The following FAT3 variants were observed in gnomAD, a reference collection of about 807,000 sequenced individuals.
The protein encoded by FAT3 is FAT atypical cadherin 3.
In FAT3, 95 loss-of-function variants were observed where a neutral mutation model predicts 310.2. The ratio of observed to expected loss-of-function variants is 0.31; its 90% CI spans 0.26 to 0.36. FAT3 has a LOEUF of 0.36. Ranked by LOEUF, FAT3 falls within the 10% of genes least tolerant of loss-of-function variation. The probability of loss-of-function intolerance (pLI) is 1.00; values close to 1 mark genes in which losing one functional copy is unlikely to be tolerated. For synonymous variants in FAT3, 2,314 were observed against 2,192.9 expected, an observed-to-expected ratio of 1.06 and a Z score of -1.54; for missense variants, 5,408 against 5,715.6, an observed-to-expected ratio of 0.95 and a Z score of 1.74.
chr11:92,449,800 C>T (rs1865839927), intron 2 of FAT3, among the ~76,000 whole-genome samples: 2 of 152,148 alleles, frequency 1.3e-5, no homozygotes, highest in South Asian at 4.1e-4. Context: ...ATTCAGCCTC[C>T]AGAATTCAAA....
At chr11:92,226,769 G>A (rs1402918148) in intron 1 of FAT3, among the ~76,000 whole-genome samples, 2 of 152,128 alleles carry the variant, frequency 1.3e-5, no homozygotes, top group African/African-American at 4.8e-5. Flanking sequence ...GGGAGCTCCA[G>A]CTCCATCCCG....
rs189698606 is a variant in FAT3 at position 92,884,984 on chromosome 11, A to T, written c.12937+1591A>T. Among the ~76,000 whole-genome samples the T allele has an allele frequency of 4.5e-3, 687 of 152,296 alleles. 3 individuals carry two copies. Among genetic ancestry groups the T allele is most frequent in the Non-Finnish European group, 5.8e-3 (396 of 68,022 alleles). ...AGGAGACAAACACTTGCCAACAAAGAAAGAGGAGGGAAAAGGAGAGGACCC... is the reference window on the plus strand; with the variant it reads ...AGGAGACAAACACTTGCCAACAAAGTAAGAGGAGGGAAAAGGAGAGGACCC... On this transcript the variant is annotated intron_variant, in intron 24 of 27. Coordinates refer to ENST00000525166, the MANE Select transcript of FAT3 (RefSeq NM_001367949.2).
chr11:92,790,263 G>C, intron 8 of FAT3, 45 bp downstream of exon 8: 1 of 1,594,748 alleles, frequency 6.3e-7, no homozygotes, highest in Non-Finnish European at 8.6e-7. Flanking sequence ...ACCACTGACT[G>C]TTCAGGCCAC....
intron 1 of FAT3, among the ~76,000 whole-genome samples, chr11:92,323,815 G>A (rs1231529348): frequency 6.6e-6 from 1 of 152,140 alleles, no homozygotes; most frequent in Non-Finnish European, 1.5e-5. Flanking sequence ...GAGTTAGCTT[G>A]TCTTTTGAAG....
intron 19 of FAT3, among the ~76,000 whole-genome samples, chr11:92,850,435 T>C (rs1465097956): frequency 6.6e-6 from 1 of 152,182 alleles, no homozygotes; most frequent in Non-Finnish European, 1.5e-5. Flanking sequence ...ACTTGGCCTT[T>C]AGTGAAATCA....
At chr11:92,806,274 T>C in intron 11 of FAT3, 88 bp from the exon 12 acceptor site, 1 of 1,196,858 alleles carries the variant, frequency 8.4e-7, no homozygotes, top group Non-Finnish European at 1.2e-6. Flanking sequence ...TATAAATGAA[T>C]TTTTAAAGAA....
chr11:92,889,999 C>A, intron 27 of FAT3, 108 bp downstream of exon 27: 1 of 716,262 alleles, frequency 1.4e-6, no homozygotes, highest in South Asian at 1.5e-5. Flanking sequence ...TTTTGCATGT[C>A]TCAGGTGTCT....
chr11:92,485,528 G>GA (rs1356298068), intron 2 of FAT3, among the ~76,000 whole-genome samples: 3 of 22,412 alleles, frequency 1.3e-4, no homozygotes, highest in Non-Finnish European at 2.0e-4. Context: ...ATCTTAATGA[G>GA]GTACCAAATC....
intron 2 of FAT3, among the ~76,000 whole-genome samples, chr11:92,460,096 C>G (rs1317090052): frequency 1.3e-5 from 2 of 152,118 alleles, no homozygotes; most frequent in African/African-American, 2.4e-5. Context: ...TCCAATGATG[C>G]CTGCCTTGGA....
chr11:92,442,098 TATA>T (rs1202246041), intron 2 of FAT3, among the ~76,000 whole-genome samples: 162 of 51,746 alleles, frequency 3.1e-3, no homozygotes, highest in South Asian at 7.3e-3. Context: ...TATATATATA[TATA>T]TATATATATA....
At chr11:92,803,387 A>G (rs3912649) in intron 10 of FAT3, among the ~76,000 whole-genome samples, 131,357 of 152,262 alleles carry the variant, frequency 0.86, 56,737 homozygotes, top group East Asian at 0.94. Context: ...TGCTGCCTCC[A>G]ATTAACAAAG....
At chr11:92,565,650 C>A (rs540521311) in intron 3 of FAT3, among the ~76,000 whole-genome samples, 1 of 150,454 alleles carries the variant, frequency 6.6e-6, no homozygotes, top group South Asian at 2.1e-4. Flanking sequence ...AAAATACTGG[C>A]AAACCGAATC....
At chr11:92,747,249 C>A (rs1302457933) in intron 4 of FAT3, among the ~76,000 whole-genome samples, 1 of 152,246 alleles carries the variant, frequency 6.6e-6, no homozygotes, top group Non-Finnish European at 1.5e-5. Flanking sequence ...AACCTCAGTT[C>A]TTGACTTCTG....
chr11:92,758,440 T>G (rs1020828548), intron 4 of FAT3, among the ~76,000 whole-genome samples: 1 of 152,178 alleles, frequency 6.6e-6, no homozygotes, highest in African/African-American at 2.4e-5. Flanking sequence ...GGGCATTCCA[T>G]GAAGACAAAT....
At position 92,630,362 on chromosome 11, in the gene FAT3, C is replaced by T. The variant is rs142222441; in HGVS notation, c.3608-67022C>T. ...TAATTTTATTTCCCTACAGACCAAG[C>T]AATTTCATCCATTCCTGTAGCTTAA... On this transcript the variant is annotated intron_variant, in intron 3 of 27. Coordinates refer to ENST00000525166, the MANE Select transcript of FAT3 (RefSeq NM_001367949.2). Among the ~76,000 whole-genome samples, 1,130 of 152,298 alleles carry T rather than the reference C, an allele frequency of 7.4e-3. 10 individuals carry two copies. The highest frequency in any genetic ancestry group is 0.025 in the African/African-American group (1,059 of 41,564).
intron 1 of FAT3, among the ~76,000 whole-genome samples, chr11:92,344,368 A>T (rs1449455199): frequency 6.6e-6 from 1 of 152,146 alleles, no homozygotes; most frequent in East Asian, 1.9e-4. Context: ...CAGCGTGTCC[A>T]TGCTGTGCAT....
chr11:92,679,790 C>T (rs1477821961), intron 3 of FAT3, among the ~76,000 whole-genome samples: 7 of 128,090 alleles, frequency 5.5e-5, no homozygotes, highest in East Asian at 2.4e-4. Flanking sequence ...TGCAGTGAGC[C>T]GAGATTGTGC....
At chr11:92,520,213 AC>A (rs1326635829) in intron 2 of FAT3, among the ~76,000 whole-genome samples, 3 of 152,160 alleles carry the variant, frequency 2.0e-5, no homozygotes, top group African/African-American at 7.2e-5. Flanking sequence ...CAAAATAATT[AC>A]TGTGAGTGAA....
chr11:92,890,660 C>A lies in FAT3; in HGVS notation c.13317C>A (p.Pro4439=), dbSNP rs2136444626. The A allele has an allele frequency of 6.2e-7, 1 of 1,613,796 alleles. No individual in the cohort carries two copies. Among genetic ancestry groups the A allele is most frequent in the Non-Finnish European group, 8.5e-7 (1 of 1,179,858 alleles). The change falls in exon 28 of 28, where the codon CCC becomes CCA. Residue 4439 remains proline, a synonymous_variant. Coordinates refer to ENST00000525166, the MANE Select transcript of FAT3 (RefSeq NM_001367949.2). ...GGYDIDSEYP[P]PHEEEFLSQD... is the part of the protein sequence containing the mutation. The stretch of plus-strand genomic sequence containing the variant: ...ATGACATTGACAGTGAATACCCACC[C>A]CCTCATGAAGAGGAGTTCTTGAGTC...
Sources: gnomAD v4.1 joint callset for allele counts (sites outside exome capture counted in the v4.1 genomes callset) on GRCh38, gnomAD v4.1.1 for gene constraint, MANE v1.5 for transcripts, NCBI Gene and HGNC (gene_info 2026-07-23, HGNC 2026-07-21) for gene names.